Variants in CD46 observed in about 807,000 individuals in gnomAD.
CD46 encodes the protein CD46 molecule.
In CD46, 30 loss-of-function variants were observed where a neutral mutation model predicts 53.3. The observed-to-expected ratio is 0.56, with a 90% CI of 0.42 to 0.76. The LOEUF is 0.76. Ranked by LOEUF, CD46 falls within the 30% of genes least tolerant of loss-of-function variation. The pLI is 0.00. For missense variants in CD46, 409 were observed against 463.0 expected, an observed-to-expected ratio of 0.88 and a Z score of 1.07; for synonymous variants, 142 against 152.0, an observed-to-expected ratio of 0.93 and a Z score of 0.48.
intron 8 of CD46, among the ~76,000 whole-genome samples, chr1:207,782,640 CTTTTTTTT>C (rs35546891): frequency 1.4e-3 from 85 of 62,646 alleles, no homozygotes; most frequent in African/African-American, 5.7e-3. Flanking sequence ...ATTAATCCCT[CTTTTTTTT>C]TTTTTTTTTT....
Position 207,779,913 on chromosome 1 carries a change from C to CTTTTTTTTTTTTT in CD46, c.944-3372_944-3360dup, listed in dbSNP as rs66758503. On this transcript the variant is annotated intron_variant, in intron 8 of 12. Transcript: ENST00000367042. The stretch of plus-strand genomic sequence containing the variant: ...TTCTATTCTTGTAGCAAAAGCAAGT[C>CTTTTTTTTTTTTT]TTTTTTTTTTTTTTTTTTTACTGTA... Among the ~76,000 whole-genome samples, 256 of 62,370 alleles carry CTTTTTTTTTTTTT rather than the reference C, an allele frequency of 4.1e-3. 51 individuals are homozygous for CTTTTTTTTTTTTT. The East Asian group carries it at 0.063, about 15-fold the overall frequency. 40.9% of individuals were successfully genotyped at this position (62,370 alleles called of 152,430 possible).
At chr1:207,782,640 C>CT (rs35546891) in intron 8 of CD46, among the ~76,000 whole-genome samples, 1,678 of 62,684 alleles carry the variant, frequency 0.027, 335 homozygotes, top group African/African-American at 0.066. Flanking sequence ...ATTAATCCCT[C>CT]TTTTTTTTTT....
chr1:207,783,962 G>A (rs1211529354), intron 9 of CD46, among the ~76,000 whole-genome samples: 1 of 152,132 alleles, frequency 6.6e-6, no homozygotes, highest in African/African-American at 2.4e-5. Flanking sequence ...TAAAAGTAAT[G>A]GCAGTTTAGA....
Position 207,761,318 on chromosome 1 carries a change from A to T in CD46, c.545A>T (p.Glu182Val), listed in dbSNP as rs1465294888. ...ACCTTTAGTGAAGTAGAAGTATTTG[A>T]GTATCTTGATGCAGTAACTTATAGT... ...KHTFSEVEVF[E>V]YLDAVTYSCD... is the part of the protein sequence containing the mutation. The change falls in exon 5 of 13, where the codon GAG (glutamate) becomes GTG (valine). Residue 182 changes from glutamate to valine, a missense_variant. Glu to Val is a moderately radical substitution (Grantham distance 121). Coordinates refer to ENST00000367042, the MANE Select transcript of CD46 (RefSeq NM_172351.3). 5 of 1,613,166 alleles carry T rather than the reference A, an allele frequency of 3.1e-6. No homozygotes were observed. The highest frequency in any genetic ancestry group is 1.7e-5 in the Admixed American group (1 of 60,016).
chr1:207,761,718 C>CA lies in CD46; in HGVS notation c.673+284dup, dbSNP rs5780403. ...GTTAGAAGTTTTTGTTTGAAAGAACCAAAAAAAAAAAATACACACTGGCTT... is the reference window on the plus strand; with the variant it reads ...GTTAGAAGTTTTTGTTTGAAAGAACCAAAAAAAAAAAAATACACACTGGCTT... On this transcript the variant is annotated intron_variant, in intron 5 of 12. Transcript: ENST00000367042. Among the ~76,000 whole-genome samples, 43,341 of 146,970 alleles carry CA rather than the reference C, an allele frequency of 0.29. 7,224 individuals are homozygous for CA. Among genetic ancestry groups the CA allele is most frequent in the East Asian group, 0.57 (2,893 of 5,094 alleles).
At chr1:207,766,935 A>ACTACTTTTT in intron 5 of CD46, 78 bp from the exon 6 acceptor site, 2 of 1,143,212 alleles carry the variant, frequency 1.7e-6, no homozygotes, top group Non-Finnish European at 2.6e-6. Context: ...CTCTGTTCAC[A>ACTACTTTTT]CTGGAAATTA....
At chr1:207,771,715 G>A (rs188105667) in intron 8 of CD46, among the ~76,000 whole-genome samples, 2 of 152,240 alleles carry the variant, frequency 1.3e-5, no homozygotes, top group African/African-American at 2.4e-5. Context: ...GTAGATGTGA[G>A]TTGTTATTTC....
intron 8 of CD46, among the ~76,000 whole-genome samples, chr1:207,773,475 A>T (rs959986491): frequency 6.6e-6 from 1 of 151,946 alleles, no homozygotes; most frequent in African/African-American, 2.4e-5. Context: ...TAGTTCTTTT[A>T]ATGGTGATGT....
chr1:207,756,229 C>T (rs1655518175), intron 1 of CD46, among the ~76,000 whole-genome samples: 1 of 152,130 alleles, frequency 6.6e-6, no homozygotes, highest in Non-Finnish European at 1.5e-5. Context: ...CCAAGCTATT[C>T]AGTGTGGCAG....
At chr1:207,757,282 G>A (rs1655667958) in intron 2 of CD46, 80 bp downstream of exon 2, 1 of 1,239,344 alleles carries the variant, frequency 8.1e-7, no homozygotes, top group South Asian at 1.2e-5. Flanking sequence ...CCACTACGGT[G>A]ATGATGATTT....
rs1384059021 is a variant in CD46 at position 207,793,507 on chromosome 1, C to T, written c.*42-12C>T. 3 of 1,601,674 alleles carry T rather than the reference C, an allele frequency of 1.9e-6. No individual in the cohort carries two copies. Among genetic ancestry groups the T allele is most frequent in the East Asian group, 4.5e-5 (2 of 44,796 alleles). ...TTTATCTTTGACATGATCTTTATAC[C>T]TTGGTTTGCAGGAAAGCAGATGGTG... On this transcript the variant is annotated splice_polypyrimidine_tract_variant and intron_variant, in intron 12 of 12. Coordinates refer to ENST00000367042, the MANE Select transcript of CD46 (RefSeq NM_172351.3).
At position 207,759,542 on chromosome 1, in the gene CD46, G is replaced by A. The variant is rs138137871; in HGVS notation, c.390-97G>A. The A allele has an allele frequency of 1.6e-3, 1,143 of 708,016 alleles. 8 individuals are homozygous for A. The African/African-American group carries it at 0.017, about 11-fold the overall frequency. The allele number at this position is 708,016 out of a possible 1,614,324, so 43.9% of individuals were successfully genotyped here. Reference sequence around the variant, plus strand: ...TAAGAAACCACCCCCTCAAACTACTGTAGTGTAGAAAAGAAACCATATAAA... The same window carrying A: ...TAAGAAACCACCCCCTCAAACTACTATAGTGTAGAAAAGAAACCATATAAA... On this transcript the variant is annotated intron_variant, in intron 3 of 12. Transcript: ENST00000367042.
chr1:207,787,733 A>C (rs1369970740), intron 11 of CD46, among the ~76,000 whole-genome samples: 4 of 152,224 alleles, frequency 2.6e-5, no homozygotes, highest in Non-Finnish European at 4.4e-5. Context: ...TGACAGGAAC[A>C]TACTCGATTG....
At chr1:207,758,662 A>G (rs1444711122) in intron 3 of CD46, among the ~76,000 whole-genome samples, 1 of 152,240 alleles carries the variant, frequency 6.6e-6, no homozygotes, top group Non-Finnish European at 1.5e-5. Flanking sequence ...GATTCAAACA[A>G]TAGCAGTAAC....
Position 207,767,176 on chromosome 1 carries a change from A to T in CD46, c.837A>T (p.Pro279=), listed in dbSNP as rs1187026973. The stretch of plus-strand genomic sequence containing the variant: ...ACAGTAACAGTACTTGGGATCCCCC[A>T]GTTCCAAAGTGTCTTAAAGGTACAA... ...VCDSNSTWDP[P]VPKCLKVSTS... The change falls in exon 6 of 13, where the codon CCA becomes CCT. Residue 279 remains proline (P), a synonymous_variant. Coordinates refer to ENST00000367042, the MANE Select transcript of CD46 (RefSeq NM_172351.3). The T allele has an allele frequency of 2.5e-6, 4 of 1,613,566 alleles. No individual in the cohort carries two copies. Among genetic ancestry groups the T allele is most frequent in the Non-Finnish European group, 3.4e-6 (4 of 1,179,554 alleles).
intron 11 of CD46, 141 bp from the exon 12 acceptor site, chr1:207,790,111 GA>G: frequency 1.5e-6 from 1 of 663,632 alleles, no homozygotes; most frequent in Non-Finnish European, 2.7e-6. Context: ...CAGTGAGAAT[GA>G]GAAAGTCTTA....
At chr1:207,763,622 GTTTTC>G (rs1656487984) in intron 5 of CD46, among the ~76,000 whole-genome samples, 1 of 152,044 alleles carries the variant, frequency 6.6e-6, no homozygotes, top group South Asian at 2.1e-4. Context: ...TGAGCAATAA[GTTTTC>G]TTAAGATATA....
rs138456489 is a variant in CD46 at position 207,770,339 on chromosome 1, A to G, written c.920A>G (p.Lys307Arg). 1.9e-6 allele frequency: 3 copies of G among 1,605,750 alleles called. No homozygotes were observed. Among genetic ancestry groups the G allele is most frequent in the Non-Finnish European group, 2.6e-6 (3 of 1,172,918 alleles). ...SSASGPRPTY[K>R]PPVSNYPGYP... ...TTTCTAGGTCCTAGGCCTACTTACAAGCCTCCAGTCTCAAATTATCCAGGT... is the reference window on the plus strand; with the variant it reads ...TTTCTAGGTCCTAGGCCTACTTACAGGCCTCCAGTCTCAAATTATCCAGGT... Residue 307 changes from lysine to arginine, a missense_variant, in exon 8 of 13, where the codon AAG becomes AGG. By Grantham distance (26) the Lys-to-Arg change is conservative. Coordinates refer to ENST00000367042, the MANE Select transcript of CD46 (RefSeq NM_172351.3).
rs952832400 is a variant in CD46 at position 207,752,902 on chromosome 1, G to A, written c.97+593G>A. Among the ~76,000 whole-genome samples the A allele has an allele frequency of 1.3e-5, 2 of 151,946 alleles. No homozygotes were observed. The highest frequency in any genetic ancestry group is 2.4e-5 in the African/African-American group (1 of 41,334). ...TGTGGGCAAGACAGCTCAACTGTTT[G>A]CTTTGAATGGAGTGAGCGCGGACTC... On this transcript the variant is annotated intron_variant, in intron 1 of 12. Transcript: ENST00000367042. The surrounding 1 kb of genome is among the most constrained non-coding windows in gnomAD (Gnocchi z 4.1).
Sources: allele counts gnomAD v4.1 joint callset (sites outside exome capture counted in the v4.1 genomes callset), GRCh38; gene constraint gnomAD v4.1.1; non-coding constraint Gnocchi (gnomAD v3.1); transcripts MANE v1.5; gene names NCBI Gene and HGNC (gene_info 2026-07-23, HGNC 2026-07-21).